The following PDE3A variants were observed in gnomAD, a reference collection of about 807,000 sequenced individuals.
PDE3A encodes the protein cGMP-inhibited 3',5'-cyclic phosphodiesterase 3A.
In PDE3A, 43 loss-of-function variants were observed where a neutral mutation model predicts 98.3. That is an observed-to-expected ratio of 0.44 (90% CI 0.34 to 0.56). The LOEUF (loss-of-function observed/expected upper bound fraction) is 0.56, where lower values mean the gene tolerates loss of function less well. Among genes scored for constraint, PDE3A ranks in the 20% least tolerant of loss-of-function variants. The probability of loss-of-function intolerance (pLI) is 0.01; values close to 1 mark genes in which losing one functional copy is unlikely to be tolerated. For missense variants in PDE3A, 1,427 were observed against 1,440.7 expected, an observed-to-expected ratio of 0.99 and a Z score of 0.15; for synonymous variants, 663 against 567.9, an observed-to-expected ratio of 1.17 and a Z score of -2.38.
intron 15 of PDE3A, among the ~76,000 whole-genome samples, chr12:20,670,138 G>C (rs946370678): frequency 6.6e-6 from 1 of 150,642 alleles, no homozygotes; most frequent in Admixed American, 6.6e-5. Context: ...AATTCAACAA[G>C]AAGAGCTAAC....
chr12:20,605,076 C>CTGTG (rs759662336), intron 2 of PDE3A, among the ~76,000 whole-genome samples: 1 of 152,172 alleles, frequency 6.6e-6, no homozygotes. Context: ...TTTATGAACT[C>CTGTG]TGTGTAAAGC....
intron 15 of PDE3A, among the ~76,000 whole-genome samples, chr12:20,654,592 G>T (rs1944998370): frequency 6.6e-6 from 1 of 150,674 alleles, no homozygotes; most frequent in South Asian, 2.1e-4. Context: ...CGCCTCCCAG[G>T]TTCATGCCAT....
chr12:20,513,681 G>T (rs1456092987), intron 1 of PDE3A, among the ~76,000 whole-genome samples: 2 of 152,054 alleles, frequency 1.3e-5, no homozygotes, highest in Non-Finnish European at 2.9e-5. Context: ...AGTGTCCTAT[G>T]TTAGGAGATT....
chr12:20,459,320 A>G (rs1945207106), intron 1 of PDE3A, among the ~76,000 whole-genome samples: 1 of 152,188 alleles, frequency 6.6e-6, no homozygotes, highest in Non-Finnish European at 1.5e-5. Context: ...TGACTAGGAT[A>G]GTTGTGAAAT....
chr12:20,667,523 A>G (rs889294215), intron 15 of PDE3A, among the ~76,000 whole-genome samples: 1 of 152,174 alleles, frequency 6.6e-6, no homozygotes, highest in African/African-American at 2.4e-5. Flanking sequence ...CACTTATTAA[A>G]AAAGATGTCC....
At chr12:20,594,184 AATT>A (rs1943407944) in intron 2 of PDE3A, among the ~76,000 whole-genome samples, 1 of 70,372 alleles carries the variant, frequency 1.4e-5, no homozygotes, top group African/African-American at 5.3e-5. Context: ...CAAAGACCCT[AATT>A]TTGTTAGTAG....
intron 12 of PDE3A, among the ~76,000 whole-genome samples, chr12:20,647,244 A>G (rs953399322): frequency 1.3e-5 from 2 of 152,172 alleles, no homozygotes; most frequent in African/African-American, 2.4e-5. Context: ...AAGGCAACCT[A>G]TACAAAAGCC....
At chr12:20,519,235 T>A (rs1946378727) in intron 1 of PDE3A, among the ~76,000 whole-genome samples, 2 of 152,142 alleles carry the variant, frequency 1.3e-5, no homozygotes, top group Non-Finnish European at 2.9e-5. Flanking sequence ...TATCATGGAG[T>A]GAGTCTGGAA....
intron 10 of PDE3A, among the ~76,000 whole-genome samples, chr12:20,643,381 T>A (rs1944690958): frequency 6.6e-6 from 1 of 152,200 alleles, no homozygotes; most frequent in African/African-American, 2.4e-5. Context: ...TTCCTGGGTG[T>A]CTTTGCTCCT....
rs958421825 is a variant in PDE3A at position 20,686,018 on chromosome 12, G to A, written c.*5747G>A. Among the ~76,000 whole-genome samples the A allele has an allele frequency of 2.6e-5, 4 of 151,982 alleles. No individual in the cohort carries two copies. Among genetic ancestry groups the A allele is most frequent in the Admixed American group, 6.6e-5 (1 of 15,264 alleles). On this transcript the variant is annotated 3_prime_UTR_variant, in exon 16 of 16. Transcript: ENST00000359062. The stretch of plus-strand genomic sequence containing the variant: ...GAAACCCACAAAATGACATTCCGTG[G>A]TACTGAGTATTTTCACATAATCAGA...
Position 20,680,508 on chromosome 12 carries a change from G to T in PDE3A, c.*237G>T, listed in dbSNP as rs1945751263. ...AGCTTCTAAGGATTTTTTAAGGAGG[G>T]AATATATATGTGTGTGTGTATATAA... is the stretch of plus-strand genomic sequence containing the variant. On this transcript the variant is annotated 3_prime_UTR_variant, in exon 16 of 16. Coordinates refer to ENST00000359062, the MANE Select transcript of PDE3A (RefSeq NM_000921.5). 2.0e-6 allele frequency: 1 copy of T among 496,432 alleles called. No individual in the cohort carries two copies. Among genetic ancestry groups the T allele is most frequent in the South Asian group, 2.5e-5 (1 of 40,744 alleles). The allele number at this position is 496,432 out of a possible 1,614,324, so 30.8% of individuals were successfully genotyped here.
intron 2 of PDE3A, among the ~76,000 whole-genome samples, chr12:20,598,386 G>T (rs1192055461): frequency 8.6e-5 from 13 of 151,992 alleles, no homozygotes; most frequent in Non-Finnish European, 2.9e-5. Context: ...GTTTCACCAT[G>T]TTTGCCAGGC....
intron 6 of PDE3A, among the ~76,000 whole-genome samples, chr12:20,630,378 GT>G (rs1944353015): frequency 6.6e-6 from 1 of 152,150 alleles, no homozygotes; most frequent in Non-Finnish European, 1.5e-5. Flanking sequence ...ACTGTTAGCT[GT>G]ATATGTTGCC....
chr12:20,597,507 T>C (rs1408925384), intron 2 of PDE3A, among the ~76,000 whole-genome samples: 1 of 152,186 alleles, frequency 6.6e-6, no homozygotes, highest in African/African-American at 2.4e-5. Flanking sequence ...GTTTTTTTCT[T>C]TTTTTGATCC....
At chr12:20,563,799 G>T (rs769628825) in intron 2 of PDE3A, among the ~76,000 whole-genome samples, 1 of 151,918 alleles carries the variant, frequency 6.6e-6, no homozygotes, top group African/African-American at 2.4e-5. Context: ...TGACAGGAAG[G>T]GACCTAAATA....
intron 2 of PDE3A, chr12:20,571,782 C>A: frequency 3.9e-6 from 1 of 255,626 alleles, no homozygotes; most frequent in Non-Finnish European, 6.2e-6. Flanking sequence ...ATTTTACATC[C>A]ATAATGCATT....
chr12:20,646,051 A>T (rs1333989128), intron 10 of PDE3A, among the ~76,000 whole-genome samples: 1 of 152,138 alleles, frequency 6.6e-6, no homozygotes, highest in Non-Finnish European at 1.5e-5. Context: ...CTATTCCCAG[A>T]TTATTTTTGA....
intron 2 of PDE3A, among the ~76,000 whole-genome samples, chr12:20,564,065 AG>A (rs1372895383): frequency 1.3e-5 from 2 of 152,148 alleles, no homozygotes; most frequent in Non-Finnish European, 2.9e-5. Context: ...CAGCACACAC[AG>A]TGTCAAGAGG....
chr12:20,448,616 A>G (rs936755384), intron 1 of PDE3A, among the ~76,000 whole-genome samples: 7 of 152,138 alleles, frequency 4.6e-5, no homozygotes, highest in African/African-American at 1.4e-4. Flanking sequence ...TTCTCTTTTC[A>G]TGAATTTGGA....
Sources: allele counts gnomAD v4.1 joint callset (sites outside exome capture counted in the v4.1 genomes callset), GRCh38; gene constraint gnomAD v4.1.1; transcripts MANE v1.5; gene names NCBI Gene and HGNC (gene_info 2026-07-23, HGNC 2026-07-21).